DLG2: variants seen among roughly 807,000 people sequenced by gnomAD.
DLG2 encodes discs large MAGUK scaffold protein 2.
DLG2 carries 45 observed loss-of-function variants against 132.5 expected under a neutral mutation model. The ratio of observed to expected loss-of-function variants is 0.34; its 90% CI spans 0.27 to 0.44. The LOEUF (loss-of-function observed/expected upper bound fraction) is 0.44, where lower values mean the gene tolerates loss of function less well. Among genes scored for constraint, DLG2 ranks in the 20% least tolerant of loss-of-function variants. DLG2 has a pLI of 1.00. For missense variants in DLG2, 1,045 were observed against 1,196.9 expected (o/e 0.87, Z 1.87); for synonymous variants, 424 against 419.6 (o/e 1.01, Z -0.13).
intron 7 of DLG2, among the ~76,000 whole-genome samples, chr11:84,449,257 T>G (rs1419660643): frequency 6.6e-6 from 1 of 151,926 alleles, no homozygotes; most frequent in African/African-American, 2.4e-5. Flanking sequence ...AAATCCCTTT[T>G]TATTTCCTTA....
intron 22 of DLG2, among the ~76,000 whole-genome samples, chr11:83,473,262 C>T (rs565599281): frequency 1.3e-5 from 2 of 152,226 alleles, no homozygotes; most frequent in African/African-American, 4.8e-5. Context: ...TCAGGACACT[C>T]AGGGTTTTAC....
At chr11:84,335,823 G>A (rs558760788) in intron 7 of DLG2, among the ~76,000 whole-genome samples, 1 of 152,250 alleles carries the variant, frequency 6.6e-6, no homozygotes, top group East Asian at 1.9e-4. Context: ...TCATGAACTT[G>A]GCACCATGCC....
chr11:83,800,936 T>C (rs564798196), intron 17 of DLG2, among the ~76,000 whole-genome samples: 1 of 152,196 alleles, frequency 6.6e-6, no homozygotes, highest in Non-Finnish European at 1.5e-5. Flanking sequence ...AAGCTCTGAT[T>C]TTTACATTAA....
intron 10 of DLG2, among the ~76,000 whole-genome samples, chr11:84,069,797 G>C (rs1247800360): frequency 1.3e-5 from 2 of 152,194 alleles, no homozygotes; most frequent in African/African-American, 4.8e-5. Context: ...GAAAAGCAGA[G>C]GCCAGTAACA....
At chr11:85,381,460 C>A (rs2085882967) in intron 3 of DLG2, among the ~76,000 whole-genome samples, 1 of 152,118 alleles carries the variant, frequency 6.6e-6, no homozygotes, top group Non-Finnish European at 1.5e-5. Flanking sequence ...TGGCTGCTCT[C>A]TTTATTTCTT....
At chr11:85,460,481 T>C (rs2092570995) in intron 3 of DLG2, among the ~76,000 whole-genome samples, 1 of 152,202 alleles carries the variant, frequency 6.6e-6, no homozygotes, top group South Asian at 2.1e-4. Context: ...CTACTCTGGC[T>C]CCATGCCACT....
intron 18 of DLG2, among the ~76,000 whole-genome samples, chr11:83,668,510 A>G (rs548781708): frequency 6.6e-6 from 1 of 152,230 alleles, no homozygotes; most frequent in Non-Finnish European, 1.5e-5. Context: ...AAGTAGAGGT[A>G]ATCACTGTTT....
At chr11:83,521,784 C>T (rs764106803) in intron 21 of DLG2, among the ~76,000 whole-genome samples, 46 of 152,130 alleles carry the variant, frequency 3.0e-4, no homozygotes, top group Middle Eastern at 3.4e-3. Flanking sequence ...GGGCTCCCTT[C>T]AATTCCTAGG....
intron 3 of DLG2, among the ~76,000 whole-genome samples, chr11:85,311,519 C>T (rs1485397593): frequency 2.0e-5 from 3 of 152,058 alleles, no homozygotes; most frequent in Non-Finnish European, 4.4e-5. Context: ...TGACATCTTC[C>T]AGTAAGTATA....
intron 6 of DLG2, among the ~76,000 whole-genome samples, chr11:85,105,383 C>A (rs939488954): frequency 1.3e-5 from 2 of 151,862 alleles, no homozygotes; most frequent in Non-Finnish European, 1.5e-5. Context: ...ACTGTAAGGG[C>A]CAGAGCTTAG....
At chr11:84,863,701 T>A (rs966288664) in intron 6 of DLG2, among the ~76,000 whole-genome samples, 1 of 151,996 alleles carries the variant, frequency 6.6e-6, no homozygotes, top group Non-Finnish European at 1.5e-5. Context: ...AGAGATAAAA[T>A]GGAAAGATAA....
intron 3 of DLG2, among the ~76,000 whole-genome samples, chr11:85,402,860 G>A (rs2152967250): frequency 6.6e-6 from 1 of 152,306 alleles, no homozygotes; most frequent in Non-Finnish European, 1.5e-5. Context: ...TGGAGAGGAT[G>A]TGGAAAAATA....
intron 11 of DLG2, among the ~76,000 whole-genome samples, chr11:84,007,505 C>T (rs2094628634): frequency 6.6e-6 from 1 of 151,560 alleles, no homozygotes; most frequent in Non-Finnish European, 1.5e-5. Flanking sequence ...ATAGCATGTA[C>T]CTTTTGTCTT....
chr11:85,267,594 C>T (rs2077292698), intron 4 of DLG2, among the ~76,000 whole-genome samples: 1 of 151,996 alleles, frequency 6.6e-6, no homozygotes, highest in African/African-American at 2.4e-5. Flanking sequence ...CCAAAACCAA[C>T]TCAAACTAGA....
chr11:84,608,970 A>C (rs1488308373), intron 6 of DLG2, among the ~76,000 whole-genome samples: 1 of 152,214 alleles, frequency 6.6e-6, no homozygotes, highest in African/African-American at 2.4e-5. Context: ...AGGGCCATAG[A>C]TTTAGTAAGT....
At chr11:83,589,161 G>A (rs1593931505) in intron 19 of DLG2, among the ~76,000 whole-genome samples, 1 of 151,122 alleles carries the variant, frequency 6.6e-6, no homozygotes, top group East Asian at 1.9e-4. Flanking sequence ...TACTCCTCGA[G>A]AAGAGCAACT....
intron 10 of DLG2, among the ~76,000 whole-genome samples, chr11:84,060,215 G>T (rs77098421): frequency 6.6e-6 from 1 of 152,114 alleles, no homozygotes; most frequent in Non-Finnish European, 1.5e-5. Context: ...GGGAGGCTGA[G>T]AAAAGAGAAT....
intron 8 of DLG2, among the ~76,000 whole-genome samples, chr11:84,215,401 A>G (rs1006266394): frequency 1.3e-5 from 2 of 152,052 alleles, no homozygotes; most frequent in African/African-American, 4.8e-5. Flanking sequence ...AGCAAAATTA[A>G]CACCTAAATT....
intron 3 of DLG2, among the ~76,000 whole-genome samples, chr11:85,450,251 T>C (rs2092188228): frequency 6.6e-6 from 1 of 152,214 alleles, no homozygotes; most frequent in Non-Finnish European, 1.5e-5. Flanking sequence ...CATACCTTCT[T>C]GCCAAGTTGT....
Sources: gnomAD v4.1 joint callset for allele counts (sites outside exome capture counted in the v4.1 genomes callset) on GRCh38, gnomAD v4.1.1 for gene constraint, MANE v1.5 for transcripts, NCBI Gene and HGNC (gene_info 2026-07-23, HGNC 2026-07-21) for gene names.